JRK: variants seen among roughly 807,000 people sequenced by gnomAD.
The protein encoded by JRK is jerky protein homolog.
For missense variants in JRK, 720 were observed against 509.2 expected (o/e 1.41, Z -3.98); for synonymous variants, 303 against 218.1 (o/e 1.39, Z -3.43).
chr8:142,659,491 C>T lies in JRK; in HGVS notation c.*4861G>A, dbSNP rs1587515414. 1 of 986,414 alleles carries T rather than the reference C, an allele frequency of 1.0e-6. No individual in the cohort carries two copies. Among genetic ancestry groups the T allele is most frequent in the Non-Finnish European group, 1.2e-6 (1 of 830,572 alleles). 61.1% of individuals were successfully genotyped at this position (986,414 alleles called of 1,614,324 possible). A position where few individuals can be genotyped will look rare whatever the true frequency, so the allele number is the denominator to read the frequency against. On this transcript the variant is annotated 3_prime_UTR_variant, in exon 2 of 2. Transcript: ENST00000612905. ...GTGTGGAAATGGCCGTGCTGACAGG[C>T]TCTCTGCGATAGGGCCCAGCCATGG... is the stretch of plus-strand genomic sequence containing the variant.
chr8:142,669,039 C>A (rs1349453857), intron 1 of JRK, among the ~76,000 whole-genome samples: 1 of 152,176 alleles, frequency 6.6e-6, no homozygotes, highest in South Asian at 2.1e-4. Context: ...TCTCCTGTGC[C>A]CAAGGCACAG....
rs587752755 is a variant in JRK at position 142,666,038 on chromosome 8, G to T, written c.21C>A (p.Ala7=). Residue 7 remains alanine, a synonymous_variant, in exon 2 of 2, where the codon GCC becomes GCA. Coordinates refer to ENST00000612905, the MANE Select transcript of JRK (RefSeq NM_003724.4). ...TCCGCTTCTCCCCTCTGCTCTTCCC[G>T]GCAGCCGGCTTGGAGGCCATGGGGA... is the stretch of plus-strand genomic sequence containing the variant. MASKPA[A]GKSRGEKRKR... is the part of the protein sequence containing the mutation. 13 of 1,592,996 alleles carry T rather than the reference G, an allele frequency of 8.2e-6. No individual in the cohort carries two copies. In the East Asian group the frequency reaches 2.7e-4, roughly 33 times the overall value.
chr8:142,648,615 G>A, the JRK span, among the ~76,000 whole-genome samples: 1 of 152,254 alleles, frequency 6.6e-6, no homozygotes, highest in African/African-American at 2.4e-5. Flanking sequence ...TCAGATGTAT[G>A]GAAATGCCTG....
rs1587530627 is a variant in JRK at position 142,666,003 on chromosome 8, A to C, written c.56T>G (p.Val19Gly). 7.2e-7 allele frequency: 1 copy of C among 1,398,012 alleles called. No homozygotes were observed. The allele number at this position is 1,398,012 out of a possible 1,614,324, so 86.6% of individuals were successfully genotyped here. ...GTCAATCTTCTCCTTCAGTGTCAGC[A>C]CCACCCTCTTCCGCTTCTCCCCTCT... ...KSRGEKRKRVVLTLKEKIDIC... is the reference protein window; with the variant it reads ...KSRGEKRKRVGLTLKEKIDIC... The change falls in exon 2 of 2, where the codon GTG (valine) becomes GGG (glycine). Residue 19 changes from valine to glycine, a missense_variant. Physicochemically the swap from Val to Gly is moderately radical, Grantham distance 109. Coordinates refer to ENST00000612905, the MANE Select transcript of JRK (RefSeq NM_003724.4).
rs1294426771 is a variant in JRK at position 142,663,311 on chromosome 8, C to T, written c.*1041G>A. 4.1e-6 allele frequency: 4 copies of T among 985,326 alleles called. No homozygotes were observed. The East Asian group carries it at 3.4e-4, about 84-fold the overall frequency. 61.0% of individuals were successfully genotyped at this position (985,326 alleles called of 1,614,324 possible). On this transcript the variant is annotated 3_prime_UTR_variant, in exon 2 of 2. Transcript: ENST00000612905. ...ACTACAGACATGGAGAAAATAACCA[C>T]ATCCTCTTACAACCGCCTCTGTGAA...
chr8:142,655,176 T>C (rs1172831296), downstream of JRK, among the ~76,000 whole-genome samples: 1 of 152,176 alleles, frequency 6.6e-6, no homozygotes, highest in Admixed American at 6.5e-5. Context: ...CTGCTCCAGG[T>C]TACTGCCCAC....
At position 142,665,069 on chromosome 8, in the gene JRK, G is replaced by C; in HGVS notation, c.990C>G (p.Pro330=). 1 of 717,742 alleles carries C rather than the reference G, an allele frequency of 1.4e-6. No homozygotes were observed. Among genetic ancestry groups the C allele is most frequent in the Non-Finnish European group, 2.6e-6 (1 of 385,048 alleles). 44.5% of individuals were successfully genotyped at this position (717,742 alleles called of 1,614,324 possible). A position where few individuals can be genotyped will look rare whatever the true frequency, so the allele number is the denominator to read the frequency against. ...AATCTCTCCGAATGCCCTGCTCCATGGGCTGCACCAATGAGGCCACGCTGG... is the reference window on the plus strand; with the variant it reads ...AATCTCTCCGAATGCCCTGCTCCATCGGCTGCACCAATGAGGCCACGCTGG... ...LPASVASLVQ[P]MEQGIRRDFM... is the part of the protein sequence containing the mutation. The change falls in exon 2 of 2, where the codon CCC becomes CCG. Residue 330 remains proline, a synonymous_variant. Coordinates refer to ENST00000612905, the MANE Select transcript of JRK (RefSeq NM_003724.4).
At position 142,661,525 on chromosome 8, in the gene JRK, C is replaced by A. The variant is rs1029063129; in HGVS notation, c.*2827G>T. The A allele has an allele frequency of 5.1e-6, 5 of 985,376 alleles. No homozygotes were observed. The highest frequency in any genetic ancestry group is 6.0e-6 in the Non-Finnish European group (5 of 829,982). The allele number at this position is 985,376 out of a possible 1,614,324, so 61.0% of individuals were successfully genotyped here. ...AGAGGTCCCAAACCATATGACGCAG[C>A]ACCTGCTACCCCACGAGCCACTGGA... On this transcript the variant is annotated 3_prime_UTR_variant, in exon 2 of 2. Coordinates refer to ENST00000612905, the MANE Select transcript of JRK (RefSeq NM_003724.4).
Position 142,665,827 on chromosome 8 carries a change from G to A in JRK, c.232C>T (p.Arg78Trp), listed in dbSNP as rs1554635910. The A allele has an allele frequency of 5.1e-6, 4 of 779,064 alleles. No homozygotes were observed. The highest frequency in any genetic ancestry group is 1.7e-5 in the African/African-American group (1 of 59,260). 48.3% of individuals were successfully genotyped at this position (779,064 alleles called of 1,614,324 possible). ...AGCTTGGGCGTGTGCAGCGTGCGCC[G>A]CTGCTCCAGCGCCTTGTTGGAGTCG... Reference protein sequence around the residue: ...SSDSNKALEQRRTLHTPKLEH... With the variant: ...SSDSNKALEQWRTLHTPKLEH... Residue 78 changes from arginine (R) to tryptophan (W), a missense_variant, in exon 2 of 2, where the codon CGG becomes TGG. Physicochemically the swap from Arg to Trp is moderately radical, Grantham distance 101 (BLOSUM62 -3). Transcript: ENST00000612905.
chr8:142,659,242 A>G lies in JRK; in HGVS notation c.*5110T>C. On this transcript the variant is annotated 3_prime_UTR_variant, in exon 2 of 2. Transcript: ENST00000612905. ...GGGAACCCAAGACCTCGAGAGAGGA[A>G]ATGGGCCCAGGGACATGCCTTGGCT... 9.0e-7 allele frequency: 1 copy of G among 1,116,442 alleles called. No individual in the cohort carries two copies. Among genetic ancestry groups the G allele is most frequent in the Non-Finnish European group, 1.1e-6 (1 of 909,578 alleles). The allele number at this position is 1,116,442 out of a possible 1,614,324, so 69.2% of individuals were successfully genotyped here. A position where few individuals can be genotyped will look rare whatever the true frequency, so the allele number is the denominator to read the frequency against.
In JRK at chr8:142,659,167, C is replaced by T. The variant is rs781858463; in HGVS notation, c.*5185G>A. 14 of 1,328,252 alleles carry T rather than the reference C, an allele frequency of 1.1e-5. No homozygotes were observed. The highest frequency in any genetic ancestry group is 1.0e-4 in the South Asian group (6 of 57,876). The allele number at this position is 1,328,252 out of a possible 1,614,324, so 82.3% of individuals were successfully genotyped here. On this transcript the variant is annotated 3_prime_UTR_variant, in exon 2 of 2. Coordinates refer to ENST00000612905, the MANE Select transcript of JRK (RefSeq NM_003724.4). ...AGCCTGGCAGCTCCTCCCACTGAGC[C>T]TCATGGTCACCCCAGAGGACAGGCC...
the JRK span, among the ~76,000 whole-genome samples, chr8:142,645,400 C>G: frequency 6.6e-6 from 1 of 152,140 alleles, no homozygotes; most frequent in African/African-American, 2.4e-5. Flanking sequence ...CCCTCTTAGG[C>G]TGGGCACGAT....
chr8:142,660,630 G>C lies in JRK; in HGVS notation c.*3722C>G. 3.3e-6 allele frequency: 3 copies of C among 922,386 alleles called. No individual in the cohort carries two copies. Among genetic ancestry groups the C allele is most frequent in the Non-Finnish European group, 3.9e-6 (3 of 773,718 alleles). 57.1% of individuals were successfully genotyped at this position (922,386 alleles called of 1,614,324 possible). On this transcript the variant is annotated 3_prime_UTR_variant, in exon 2 of 2. Coordinates refer to ENST00000612905, the MANE Select transcript of JRK (RefSeq NM_003724.4). Reference sequence around the variant, plus strand: ...TTGCCCAGGCTGGTTTCAAACTCCTGAACTAAAGTGATCCTCCTGCCGTGG... The same window carrying C: ...TTGCCCAGGCTGGTTTCAAACTCCTCAACTAAAGTGATCCTCCTGCCGTGG...
chr8:142,647,793 T>C, the JRK span, among the ~76,000 whole-genome samples: 1 of 152,198 alleles, frequency 6.6e-6, no homozygotes, highest in African/African-American at 2.4e-5. Context: ...GAAGCAACTT[T>C]GGACTGCGTA....
At chr8:142,666,749 C>T (rs1847139804) in intron 1 of JRK, among the ~76,000 whole-genome samples, 1 of 152,224 alleles carries the variant, frequency 6.6e-6, no homozygotes, top group African/African-American at 2.4e-5. Flanking sequence ...TCCCACCAAG[C>T]AAACTGAAGC....
chr8:142,647,060 A>G, the JRK span, among the ~76,000 whole-genome samples: 42 of 152,308 alleles, frequency 2.8e-4, no homozygotes, highest in East Asian at 7.3e-3. Flanking sequence ...CTAAGGGGAG[A>G]TTAAAGATGC....
chr8:142,661,600 T>A lies in JRK; in HGVS notation c.*2752A>T. ...GCACTGTGAGAAGACAGGGAGTGGC[T>A]CCAGCCTGGTGCTCACAGATAAAAC... On this transcript the variant is annotated 3_prime_UTR_variant, in exon 2 of 2. Transcript: ENST00000612905. 3 of 985,516 alleles carry A rather than the reference T, an allele frequency of 3.0e-6. No individual in the cohort carries two copies. Among genetic ancestry groups the A allele is most frequent in the East Asian group, 1.1e-4 (1 of 8,802 alleles). 61.0% of individuals were successfully genotyped at this position (985,516 alleles called of 1,614,324 possible).
In JRK at chr8:142,658,287, T is replaced by C. The variant is rs1345340480; in HGVS notation, c.*6065A>G. 6.6e-6 allele frequency: 1 copy of C among 152,276 alleles called. No homozygotes were observed. Among genetic ancestry groups the C allele is most frequent in the Middle Eastern group, 3.2e-3 (1 of 316 alleles). 9.4% of individuals were successfully genotyped at this position (152,276 alleles called of 1,614,324 possible). Reference sequence around the variant, plus strand: ...GGTGTCTTAAACAACATAAATTAATTTTTCACAGATCTGGGGACTGAAAGT... The same window carrying C: ...GGTGTCTTAAACAACATAAATTAATCTTTCACAGATCTGGGGACTGAAAGT... On this transcript the variant is annotated 3_prime_UTR_variant, in exon 2 of 2. Transcript: ENST00000612905.
Position 142,664,586 on chromosome 8 carries a change from G to A in JRK, c.1473C>T (p.Ala491=), listed in dbSNP as rs587611082. ...EGEEVAWEQA[A]VAFDAVLRFA... is the part of the protein sequence containing the mutation. ...AGCGCAGGACTGCGTCAAAGGCCAC[G>A]GCCGCCTGCTCCCAGGCCACCTCCT... The change falls in exon 2 of 2, where the codon GCC becomes GCT. Residue 491 remains alanine (A), a synonymous_variant. Transcript: ENST00000612905. 9.0e-5 allele frequency: 144 copies of A among 1,608,720 alleles called. No homozygotes were observed. The highest frequency in any genetic ancestry group is 1.6e-4 in the South Asian group (14 of 90,316).
Sources: allele counts gnomAD v4.1 joint callset (sites outside exome capture counted in the v4.1 genomes callset), GRCh38; gene constraint gnomAD v4.1.1; transcripts MANE v1.5; gene names NCBI Gene and HGNC (gene_info 2026-07-23, HGNC 2026-07-21).